SORCS1: variants seen among roughly 807,000 people sequenced by gnomAD.
SORCS1 encodes sortilin related VPS10 domain containing receptor 1.
Under a neutral mutation model 146.1 loss-of-function variants are expected in SORCS1, and 60 were observed. That is an observed-to-expected ratio of 0.41 (90% confidence interval 0.33 to 0.51). The LOEUF is 0.51. Ranked by LOEUF, SORCS1 falls within the 20% of genes least tolerant of loss-of-function variation. The probability of loss-of-function intolerance (pLI) is 0.21; values close to 1 mark genes in which losing one functional copy is unlikely to be tolerated. For missense variants in SORCS1, 1,352 were observed against 1,487.6 expected, an observed-to-expected ratio of 0.91 and a Z score of 1.50; for synonymous variants, 637 against 584.0, an observed-to-expected ratio of 1.09 and a Z score of -1.31.
At chr10:106,897,871 G>A (rs980012523) in intron 2 of SORCS1, among the ~76,000 whole-genome samples, 4 of 152,178 alleles carry the variant, frequency 2.6e-5, no homozygotes, top group East Asian at 3.9e-4. Flanking sequence ...ACAAACATTC[G>A]GTGTCTAGGC....
intron 1 of SORCS1, among the ~76,000 whole-genome samples, chr10:106,991,265 T>C (rs1182167754): frequency 7.9e-5 from 12 of 152,370 alleles, no homozygotes; most frequent in Admixed American, 2.6e-4. Flanking sequence ...TCAGCTTTCA[T>C]GTTTTCTGGT....
chr10:106,621,538 C>A (rs1847745389), intron 19 of SORCS1, among the ~76,000 whole-genome samples: 1 of 151,756 alleles, frequency 6.6e-6, no homozygotes, highest in Admixed American at 6.6e-5. Context: ...CACACCTTAA[C>A]CTTCAAATAT....
At chr10:107,091,979 C>T (rs1183937359) in intron 1 of SORCS1, among the ~76,000 whole-genome samples, 5 of 152,108 alleles carry the variant, frequency 3.3e-5, no homozygotes, top group African/African-American at 1.2e-4. Context: ...CAGTATCTAG[C>T]AGAGTACCTA....
chr10:107,160,188 CAAGAT>C (rs984480965), intron 1 of SORCS1, among the ~76,000 whole-genome samples: 13 of 152,206 alleles, frequency 8.5e-5, no homozygotes, highest in African/African-American at 3.1e-4. Flanking sequence ...GAAATCAACT[CAAGAT>C]AGGATTATCT....
At chr10:107,071,159 A>C (rs1003388756) in intron 1 of SORCS1, among the ~76,000 whole-genome samples, 4 of 152,168 alleles carry the variant, frequency 2.6e-5, no homozygotes, top group African/African-American at 9.6e-5. Flanking sequence ...GGACCCTGGC[A>C]GAGAAAACTG....
At chr10:107,044,868 T>C (rs1046274609) in intron 1 of SORCS1, among the ~76,000 whole-genome samples, 1 of 147,166 alleles carries the variant, frequency 6.8e-6, no homozygotes, top group Non-Finnish European at 1.5e-5. Flanking sequence ...TGATGTATTA[T>C]AGGTGCTGCA....
chr10:106,674,700 A>G (rs1209494729), intron 14 of SORCS1, among the ~76,000 whole-genome samples: 1 of 152,220 alleles, frequency 6.6e-6, no homozygotes, highest in Non-Finnish European at 1.5e-5. Context: ...GCTTTGTGGC[A>G]TTTTGATGAA....
chr10:106,809,310 G>A (rs1396201722), intron 3 of SORCS1, among the ~76,000 whole-genome samples: 1 of 152,136 alleles, frequency 6.6e-6, no homozygotes, highest in Non-Finnish European at 1.5e-5. Flanking sequence ...GCTTGGCACA[G>A]GGACAGAAGA....
chr10:107,179,493 T>C, the SORCS1 span, among the ~76,000 whole-genome samples: 4 of 152,188 alleles, frequency 2.6e-5, no homozygotes, highest in Admixed American at 2.0e-4. Flanking sequence ...CTCTTGAGAA[T>C]GGCATTTTTT....
chr10:107,010,665 A>G (rs1957658493), intron 1 of SORCS1, among the ~76,000 whole-genome samples: 1 of 142,928 alleles, frequency 7.0e-6, no homozygotes, highest in Non-Finnish European at 1.5e-5. Context: ...AGCTGATTGA[A>G]CAACTGAGCT....
intron 2 of SORCS1, among the ~76,000 whole-genome samples, chr10:106,855,735 A>G (rs1047057721): frequency 2.6e-5 from 4 of 152,030 alleles, no homozygotes; most frequent in African/African-American, 9.7e-5. Context: ...CTTTTCTTAG[A>G]ATTTCCATCT....
intron 2 of SORCS1, among the ~76,000 whole-genome samples, chr10:106,927,764 T>C (rs10786995): frequency 0.55 from 82,862 of 151,244 alleles, 23,678 homozygotes; most frequent in Non-Finnish European, 0.63. Flanking sequence ...TACAGAGTGT[T>C]GATTGGTGCA....
intron 5 of SORCS1, among the ~76,000 whole-genome samples, chr10:106,743,339 C>A (rs938964445): frequency 6.6e-6 from 1 of 152,148 alleles, no homozygotes; most frequent in African/African-American, 2.4e-5. Flanking sequence ...ACCATGCCCT[C>A]CTGCTGCCTG....
chr10:106,689,087 C>T lies in SORCS1; in HGVS notation c.1414-749G>A, dbSNP rs527412061. The stretch of plus-strand genomic sequence containing the variant: ...TGATTTCCCTAAATCATCAAATACT[C>T]CCTACTTTGTTTTTATAACATGGTT... On this transcript the variant is annotated intron_variant, in intron 9 of 25. Transcript: ENST00000263054. 2.0e-5 allele frequency among the ~76,000 whole-genome samples: 3 copies of T among 152,286 alleles called. No individual in the cohort carries two copies. In the South Asian group the frequency reaches 6.2e-4, roughly 32 times the overall value.
At chr10:107,016,628 C>T (rs963657345) in intron 1 of SORCS1, among the ~76,000 whole-genome samples, 1 of 152,154 alleles carries the variant, frequency 6.6e-6, no homozygotes, top group African/African-American at 2.4e-5. Context: ...ACAAGGATTT[C>T]TTTAATAGGA....
At chr10:107,050,439 C>T (rs907592868) in intron 1 of SORCS1, among the ~76,000 whole-genome samples, 3 of 152,130 alleles carry the variant, frequency 2.0e-5, no homozygotes, top group African/African-American at 4.8e-5. Context: ...GACTCTAAGA[C>T]ATTGCTTTCT....
chr10:107,170,461 A>C, the SORCS1 span, among the ~76,000 whole-genome samples: 1 of 152,222 alleles, frequency 6.6e-6, no homozygotes, highest in Admixed American at 6.5e-5. Flanking sequence ...CTATATGATA[A>C]GAAGTCTTTG....
rs111927270 is a variant in SORCS1, at chr10:107,091,147, G to C, written c.558+72822C>G. Among the ~76,000 whole-genome samples the C allele has an allele frequency of 1.0e-3, 152 of 152,336 alleles. 1 individual carries two copies. The highest frequency in any genetic ancestry group is 3.5e-3 in the African/African-American group (145 of 41,580). On this transcript the variant is annotated intron_variant, in intron 1 of 25. Coordinates refer to ENST00000263054, the MANE Select transcript of SORCS1 (RefSeq NM_052918.5). ...CATGCAGCATCCTTTACCACATTTT[G>C]TCACAAATCTCATCACGCAGCTGCT...
intron 1 of SORCS1, among the ~76,000 whole-genome samples, chr10:107,002,227 A>G (rs1047807218): frequency 1.3e-5 from 2 of 152,262 alleles, no homozygotes; most frequent in African/African-American, 4.8e-5. Flanking sequence ...TAATAAAGCC[A>G]TGATTCAATT....
Sources: gnomAD v4.1 joint callset for allele counts (sites outside exome capture counted in the v4.1 genomes callset) on GRCh38, gnomAD v4.1.1 for gene constraint, MANE v1.5 for transcripts, NCBI Gene and HGNC (gene_info 2026-07-23, HGNC 2026-07-21) for gene names.